PRDM16: variants seen among roughly 807,000 people sequenced by gnomAD.
PRDM16 encodes the protein histone-lysine N-methyltransferase PRDM16.
Under a neutral mutation model 110.6 loss-of-function variants are expected in PRDM16, and 23 were observed. That is an observed-to-expected ratio of 0.21 (90% confidence interval 0.15 to 0.29). The LOEUF is 0.29. PRDM16 is among the 10% of genes least tolerant of loss of function. The pLI, the probability that PRDM16 is intolerant of heterozygous loss-of-function variation, is 1.00. For synonymous variants in PRDM16, 799 were observed against 781.8 expected, an observed-to-expected ratio of 1.02 and a Z score of -0.37; for missense variants, 1,615 against 1,794.3, an observed-to-expected ratio of 0.90 and a Z score of 1.81.
At chr1:3,262,469 G>A (rs766486142) in intron 3 of PRDM16, among the ~76,000 whole-genome samples, 71 of 152,344 alleles carry the variant, frequency 4.7e-4, no homozygotes, top group Non-Finnish European at 7.9e-4. Context: ...TCATTCAAGA[G>A]CCTGGGATCC....
intron 3 of PRDM16, among the ~76,000 whole-genome samples, chr1:3,313,405 G>A (rs57323723): frequency 0.1 from 15,212 of 152,242 alleles, 889 homozygotes; most frequent in African/African-American, 0.16. Context: ...CTCCTTTGAC[G>A]TCTCGAGCAG....
At chr1:3,341,749 C>T (rs1642277375) in intron 3 of PRDM16, among the ~76,000 whole-genome samples, 1 of 152,244 alleles carries the variant, frequency 6.6e-6, no homozygotes, top group Non-Finnish European at 1.5e-5. Context: ...GGGGCAACAG[C>T]AGCAGCTGCC....
At chr1:3,167,060 G>A (rs749711492) in intron 1 of PRDM16, among the ~76,000 whole-genome samples, 1 of 152,166 alleles carries the variant, frequency 6.6e-6, no homozygotes. Flanking sequence ...TGCAGGGAGC[G>A]AACACAGGGA....
At chr1:3,337,678 G>C (rs1040499958) in intron 3 of PRDM16, among the ~76,000 whole-genome samples, 5 of 152,192 alleles carry the variant, frequency 3.3e-5, no homozygotes, top group African/African-American at 1.2e-4. Context: ...TCTGCCCCAG[G>C]CTGGCTGGCT....
intron 3 of PRDM16, among the ~76,000 whole-genome samples, chr1:3,252,976 G>A (rs965873939): frequency 1.7e-4 from 26 of 152,170 alleles, no homozygotes; most frequent in Non-Finnish European, 2.9e-4. Flanking sequence ...CTCCGACACC[G>A]GGCTGTCCTC....
chr1:3,319,325 A>G lies in PRDM16; in HGVS notation c.439-65827A>G, dbSNP rs138239735. ...TTAGGAGCTGGCACCAAGGCTCAAC[A>G]TTGGAAGGGCAAAAAGGTCACTGTT... On this transcript the variant is annotated intron_variant, in intron 3 of 16. Coordinates refer to ENST00000270722, the MANE Select transcript of PRDM16 (RefSeq NM_022114.4). Among the ~76,000 whole-genome samples, 881 of 152,312 alleles carry G rather than the reference A, an allele frequency of 5.8e-3. 10 individuals are homozygous for G. The highest frequency in any genetic ancestry group is 0.02 in the African/African-American group (818 of 41,570).
chr1:3,089,289 G>A (rs982397427), intron 1 of PRDM16, among the ~76,000 whole-genome samples: 3 of 152,214 alleles, frequency 2.0e-5, no homozygotes, highest in Admixed American at 1.3e-4. Flanking sequence ...AGGGACTGCT[G>A]GTAGCCCAGG....
chr1:3,259,683 C>T (rs143534030), intron 3 of PRDM16, among the ~76,000 whole-genome samples: 10 of 152,318 alleles, frequency 6.6e-5, no homozygotes, highest in African/African-American at 9.6e-5. Flanking sequence ...CCTGCAGCCC[C>T]GCATGCTCTG....
At chr1:3,360,511 C>T (rs1298593746) in intron 3 of PRDM16, among the ~76,000 whole-genome samples, 2 of 152,174 alleles carry the variant, frequency 1.3e-5, no homozygotes, top group African/African-American at 2.4e-5. Flanking sequence ...GGTCCAAGTG[C>T]GGGATGGACT....
At position 3,290,483 on chromosome 1, in the gene PRDM16, T is replaced by C. The variant is rs898654865; in HGVS notation, c.438+46346T>C. ...TTTTTCTCTTGAGGCCCCTGTGTCC[T>C]AGCATTTCTGAGCTCAAAGGAACCT... On this transcript the variant is annotated intron_variant, in intron 3 of 16. Transcript: ENST00000270722. This position sits in a 1 kb window ranked among gnomAD's most constrained non-coding sequence, Gnocchi z 4.8. Among the ~76,000 whole-genome samples the C allele has an allele frequency of 1.3e-5, 2 of 152,222 alleles. No homozygotes were observed. The highest frequency in any genetic ancestry group is 4.8e-5 in the African/African-American group (2 of 41,468).
At chr1:3,335,641 A>ACACACACACACACACC (rs763183715) in intron 3 of PRDM16, among the ~76,000 whole-genome samples, 15 of 146,394 alleles carry the variant, frequency 1.0e-4, no homozygotes, top group East Asian at 4.0e-4. Flanking sequence ...ACACACACAC[A>ACACACACACACACACC]CCCTTGGACA....
chr1:3,215,000 G>A (rs1039163255), intron 2 of PRDM16, among the ~76,000 whole-genome samples: 11 of 152,256 alleles, frequency 7.2e-5, no homozygotes, highest in Admixed American at 2.6e-4. Flanking sequence ...CCTGACAGTG[G>A]GGACCTGTGT....
intron 3 of PRDM16, among the ~76,000 whole-genome samples, chr1:3,269,153 C>T (rs1328857959): frequency 6.6e-6 from 1 of 152,274 alleles, no homozygotes; most frequent in East Asian, 1.9e-4. Context: ...GCCATGGCCA[C>T]TGGGCTTCTC....
chr1:3,409,673 GGTGTGT>G (rs780139725), intron 8 of PRDM16, among the ~76,000 whole-genome samples: 3 of 151,404 alleles, frequency 2.0e-5, no homozygotes, highest in East Asian at 3.9e-4. Flanking sequence ...GCGTGTCTGT[GGTGTGT>G]GTGTGCGTGT....
intron 3 of PRDM16, among the ~76,000 whole-genome samples, chr1:3,292,242 C>T (rs1640991568): frequency 6.6e-6 from 1 of 152,186 alleles, no homozygotes; most frequent in Non-Finnish European, 1.5e-5. Flanking sequence ...GGCCTCAAGT[C>T]CTGTTACTCA....
intron 2 of PRDM16, among the ~76,000 whole-genome samples, chr1:3,198,339 T>C (rs1341544866): frequency 6.6e-6 from 1 of 152,246 alleles, no homozygotes; most frequent in African/African-American, 2.4e-5. Flanking sequence ...CCTTGCTGCA[T>C]GGAGGGTTTG....
At chr1:3,349,206 G>C (rs1013167084) in intron 3 of PRDM16, among the ~76,000 whole-genome samples, 18 of 152,200 alleles carry the variant, frequency 1.2e-4, no homozygotes, top group African/African-American at 4.3e-4. Flanking sequence ...CTGTCTGGGC[G>C]CAGCATTCCT....
intron 2 of PRDM16, among the ~76,000 whole-genome samples, chr1:3,228,176 C>T (rs115364980): frequency 2.3e-4 from 35 of 152,280 alleles, no homozygotes; most frequent in African/African-American, 7.7e-4. Flanking sequence ...GTGTCCTTCC[C>T]GGGACTGAAG....
At chr1:3,203,841 CG>C (rs201650269) in intron 2 of PRDM16, among the ~76,000 whole-genome samples, 40 of 151,748 alleles carry the variant, frequency 2.6e-4, no homozygotes, top group Non-Finnish European at 8.8e-5. Context: ...CAGGTGAATT[CG>C]GGGGGGGCAC....
Sources: allele counts gnomAD v4.1 joint callset (sites outside exome capture counted in the v4.1 genomes callset), GRCh38; gene constraint gnomAD v4.1.1; non-coding constraint Gnocchi (gnomAD v3.1); transcripts MANE v1.5; gene names NCBI Gene and HGNC (gene_info 2026-07-23, HGNC 2026-07-21).